RBFOX1: variants seen among roughly 807,000 people sequenced by gnomAD.
RBFOX1 encodes the protein RNA binding fox-1 homolog 1, also known as RNA binding protein fox-1 homolog 1.
A neutral mutation model predicts 57.7 loss-of-function variants in RBFOX1; 8 were observed. The ratio of observed to expected loss-of-function variants is 0.14; its 90% CI spans 0.08 to 0.25. The LOEUF is 0.25. Ranked by LOEUF, RBFOX1 falls within the 10% of genes least tolerant of loss-of-function variation. The pLI is 1.00. For missense variants in RBFOX1, 611 were observed against 548.5 expected (o/e 1.11, Z -1.14); for synonymous variants, 326 against 222.4 (o/e 1.47, Z -4.15).
At chr16:6,245,311 A>G (rs2097563096) in intron 1 of RBFOX1, among the ~76,000 whole-genome samples, 1 of 152,124 alleles carries the variant, frequency 6.6e-6, no homozygotes. Context: ...TCTGGCCCTG[A>G]ATACCTTGCC....
At chr16:5,580,721 G>C (rs1451851988) in intron 2 of RBFOX1, among the ~76,000 whole-genome samples, 1 of 152,192 alleles carries the variant, frequency 6.6e-6, no homozygotes, top group Non-Finnish European at 1.5e-5. Context: ...TGCACATAGA[G>C]GCCGAGAGGT....
At chr16:7,710,317 A>G in intron 15 of RBFOX1, 2 of 1,205,718 alleles carry the variant, frequency 1.7e-6, no homozygotes, top group African/African-American at 1.6e-5. Context: ...TCAAGTGCAG[A>G]TTATTCTGTT....
intron 1 of RBFOX1, among the ~76,000 whole-genome samples, chr16:6,229,198 C>G (rs530949221): frequency 1.3e-5 from 2 of 152,166 alleles, no homozygotes; most frequent in African/African-American, 4.8e-5. Flanking sequence ...TCTGAAAGGT[C>G]ATTTGTAAAG....
At chr16:7,368,500 C>T (rs542340605) in intron 4 of RBFOX1, among the ~76,000 whole-genome samples, 6 of 151,872 alleles carry the variant, frequency 4.0e-5, no homozygotes, top group African/African-American at 1.4e-4. Flanking sequence ...AAATTGGAGC[C>T]GGGAACAGTG....
At chr16:5,792,184 A>G (rs1165415554) in intron 3 of RBFOX1, among the ~76,000 whole-genome samples, 1 of 152,190 alleles carries the variant, frequency 6.6e-6, no homozygotes, top group Non-Finnish European at 1.5e-5. Flanking sequence ...GACAAGGCCA[A>G]TTTTCAAGTG....
intron 4 of RBFOX1, among the ~76,000 whole-genome samples, chr16:7,378,204 C>G (rs750804117): frequency 3.9e-5 from 6 of 152,152 alleles, no homozygotes; most frequent in African/African-American, 1.2e-4. Context: ...TTATGTTATG[C>G]AGGAAGCTGC....
intron 4 of RBFOX1, among the ~76,000 whole-genome samples, chr16:7,241,739 A>C (rs1431972799): frequency 6.6e-6 from 1 of 152,124 alleles, no homozygotes; most frequent in African/African-American, 2.4e-5. Flanking sequence ...ATACACAAAC[A>C]CACACACATG....
chr16:6,869,576 G>C (rs1243320320), intron 3 of RBFOX1, among the ~76,000 whole-genome samples: 3 of 151,918 alleles, frequency 2.0e-5, no homozygotes, highest in African/African-American at 4.8e-5. Context: ...TTTCTGTGCA[G>C]AGTAGGATGA....
At chr16:6,151,877 G>A (rs1280957492) in intron 1 of RBFOX1, among the ~76,000 whole-genome samples, 3 of 152,174 alleles carry the variant, frequency 2.0e-5, no homozygotes, top group African/African-American at 7.2e-5. Flanking sequence ...GCTGAACTGT[G>A]TCTTGAAATC....
chr16:7,500,804 A>C (rs2070521922), intron 4 of RBFOX1, among the ~76,000 whole-genome samples: 1 of 152,168 alleles, frequency 6.6e-6, no homozygotes, highest in Non-Finnish European at 1.5e-5. Flanking sequence ...TCCCCACTCA[A>C]ATCTCATCTT....
chr16:7,051,864 T>G (rs183743406), intron 3 of RBFOX1, among the ~76,000 whole-genome samples, 193 bp from the exon 4 acceptor site: 2 of 152,334 alleles, frequency 1.3e-5, no homozygotes, highest in East Asian at 3.9e-4. Flanking sequence ...TTATCCTAGC[T>G]GTGCTTCTGA....
chr16:6,450,230 T>G (rs2153042613), intron 2 of RBFOX1, among the ~76,000 whole-genome samples: 1 of 152,222 alleles, frequency 6.6e-6, no homozygotes, highest in South Asian at 2.1e-4. Flanking sequence ...CTATAAGCAT[T>G]TGCTTCCTCA....
At chr16:7,195,083 TAATA>T (rs774144127) in intron 4 of RBFOX1, among the ~76,000 whole-genome samples, 68 of 152,206 alleles carry the variant, frequency 4.5e-4, no homozygotes, top group Non-Finnish European at 7.8e-4. Flanking sequence ...CTCTGAATTT[TAATA>T]AAGAGCTCTT....
chr16:5,743,828 C>A (rs1196988326), intron 3 of RBFOX1, among the ~76,000 whole-genome samples: 2 of 152,138 alleles, frequency 1.3e-5, no homozygotes, highest in Non-Finnish European at 2.9e-5. Context: ...TAGGCATGAG[C>A]CACTGCACCC....
intron 4 of RBFOX1, among the ~76,000 whole-genome samples, chr16:7,354,727 G>T (rs62014056): frequency 4.6e-5 from 7 of 152,220 alleles, no homozygotes; most frequent in Admixed American, 2.0e-4. Context: ...CACTAGTCAC[G>T]TGTCTCTATT....
intron 1 of RBFOX1, among the ~76,000 whole-genome samples, chr16:6,276,194 C>A (rs191600577): frequency 6.6e-6 from 1 of 152,158 alleles, no homozygotes; most frequent in Non-Finnish European, 1.5e-5. Flanking sequence ...TGGAAGGGAA[C>A]AAGTGATTTT....
At chr16:5,991,653 T>C (rs1219745317) in intron 4 of RBFOX1, among the ~76,000 whole-genome samples, 8 of 151,222 alleles carry the variant, frequency 5.3e-5, no homozygotes, top group African/African-American at 1.9e-4. Flanking sequence ...TAGTTTTTTT[T>C]TTTTTTTTTT....
At chr16:5,971,514 C>G (rs941628405) in intron 4 of RBFOX1, among the ~76,000 whole-genome samples, 3 of 152,120 alleles carry the variant, frequency 2.0e-5, no homozygotes, top group African/African-American at 7.2e-5. Context: ...ATGATACAGA[C>G]TCATTGTGTT....
At chr16:6,557,752 C>A (rs2097125400) in intron 2 of RBFOX1, among the ~76,000 whole-genome samples, 1 of 152,170 alleles carries the variant, frequency 6.6e-6, no homozygotes, top group Non-Finnish European at 1.5e-5. Flanking sequence ...AATTGATTTG[C>A]TGTGAAAAAT....
Sources: allele counts gnomAD v4.1 joint callset (sites outside exome capture counted in the v4.1 genomes callset), GRCh38; gene constraint gnomAD v4.1.1; transcripts MANE v1.5; gene names NCBI Gene and HGNC (gene_info 2026-07-23, HGNC 2026-07-21).